Variants in COL25A1 observed in about 807,000 individuals in gnomAD.
The protein encoded by COL25A1 is collagen alpha-1(XXV) chain.
COL25A1 carries 103 observed loss-of-function variants against 128.4 expected under a neutral mutation model. The observed-to-expected ratio is 0.80, with a 90% CI of 0.68 to 0.94. COL25A1 has a LOEUF of 0.94. Among genes scored for constraint, COL25A1 ranks in the 40% least tolerant of loss-of-function variants. The pLI is 0.00. For missense variants in COL25A1, 745 were observed against 840.0 expected, an observed-to-expected ratio of 0.89 and a Z score of 1.40; for synonymous variants, 279 against 277.2, an observed-to-expected ratio of 1.01 and a Z score of -0.06.
At chr4:109,090,890 G>A (rs1764833287) in intron 3 of COL25A1, among the ~76,000 whole-genome samples, 1 of 152,148 alleles carries the variant, frequency 6.6e-6, no homozygotes, top group South Asian at 2.1e-4. Flanking sequence ...AACATTTATA[G>A]CCTGGGTTGA....
At position 109,274,689 on chromosome 4, in the gene COL25A1, T is replaced by C. The variant is rs1782420490; in HGVS notation, c.367+25894A>G. On this transcript the variant is annotated intron_variant, in intron 3 of 37. Coordinates refer to ENST00000399132, the MANE Select transcript of COL25A1 (RefSeq NM_198721.4). Reference sequence around the variant, plus strand: ...TTCTTTTTAAAATTAAACTAAGTACTTAAGACCCCTGAAAATATTAATTGG... The same window carrying C: ...TTCTTTTTAAAATTAAACTAAGTACCTAAGACCCCTGAAAATATTAATTGG... 3.3e-5 allele frequency among the ~76,000 whole-genome samples: 5 copies of C among 152,200 alleles called. No individual in the cohort carries two copies. In the South Asian group the frequency reaches 1.0e-3, roughly 31 times the overall value.
At chr4:109,179,676 A>G (rs74343360) in intron 3 of COL25A1, among the ~76,000 whole-genome samples, 5,237 of 152,324 alleles carry the variant, frequency 0.034, 277 homozygotes, top group African/African-American at 0.11. Flanking sequence ...CCACAAAACC[A>G]AACTTGAACT....
intron 3 of COL25A1, among the ~76,000 whole-genome samples, chr4:109,063,574 G>T (rs1420552357): frequency 2.6e-5 from 4 of 152,060 alleles, no homozygotes; most frequent in African/African-American, 9.7e-5. Context: ...CAGTGCAGTG[G>T]TTCACATCTG....
At chr4:109,155,620 G>C (rs1771952945) in intron 3 of COL25A1, among the ~76,000 whole-genome samples, 1 of 152,196 alleles carries the variant, frequency 6.6e-6, no homozygotes, top group South Asian at 2.1e-4. Context: ...ATGAATCTTA[G>C]ATCATATCCT....
intron 19 of COL25A1, among the ~76,000 whole-genome samples, chr4:108,874,614 T>A (rs1184579398): frequency 6.6e-6 from 1 of 152,116 alleles, no homozygotes; most frequent in East Asian, 1.9e-4. Context: ...ATCAGGGAAA[T>A]GTGGTTTTAA....
intron 36 of COL25A1, 38 bp from the exon 37 acceptor site, chr4:108,817,473 A>G: frequency 1.3e-6 from 2 of 1,592,934 alleles, no homozygotes; most frequent in Non-Finnish European, 1.7e-6. Context: ...CTCAGGTTCC[A>G]TAAGAGTGAT....
chr4:109,230,420 T>C (rs141475715), intron 3 of COL25A1, among the ~76,000 whole-genome samples: 64 of 152,334 alleles, frequency 4.2e-4, no homozygotes, highest in African/African-American at 1.5e-3. Context: ...AACAGTGTTA[T>C]TTGTAACATT....
chr4:108,832,982 A>AATAAATAAATAAATAAATAC, intron 31 of COL25A1, among the ~76,000 whole-genome samples: 1 of 151,356 alleles, frequency 6.6e-6, no homozygotes, highest in Middle Eastern at 3.2e-3. Context: ...ATAATAAATA[A>AATAAATAAATAAATAAATAC]ATAAATAAAT....
chr4:109,147,660 T>C (rs1401923708), intron 3 of COL25A1, among the ~76,000 whole-genome samples: 1 of 151,696 alleles, frequency 6.6e-6, no homozygotes, highest in Non-Finnish European at 1.5e-5. Flanking sequence ...CTAGTCAAAA[T>C]ACAAAAATTA....
chr4:109,273,498 T>C (rs774175406), intron 3 of COL25A1, among the ~76,000 whole-genome samples: 3 of 152,222 alleles, frequency 2.0e-5, no homozygotes, highest in Non-Finnish European at 2.9e-5. Flanking sequence ...ATAACCTTTA[T>C]ATTTCTTGTT....
At chr4:108,967,311 T>C (rs557110082) in intron 8 of COL25A1, among the ~76,000 whole-genome samples, 1 of 152,340 alleles carries the variant, frequency 6.6e-6, no homozygotes, top group Non-Finnish European at 1.5e-5. Flanking sequence ...TTCACATTAA[T>C]GTTGATGACT....
chr4:109,195,912 G>A (rs139848622), intron 3 of COL25A1, among the ~76,000 whole-genome samples: 2 of 152,330 alleles, frequency 1.3e-5, no homozygotes, highest in Non-Finnish European at 2.9e-5. Context: ...GGAATTGAAT[G>A]TGGTAAGTAT....
intron 16 of COL25A1, 56 bp from the exon 17 acceptor site, chr4:108,889,789 C>G: frequency 6.6e-7 from 1 of 1,513,526 alleles, no homozygotes; most frequent in Non-Finnish European, 9.2e-7. Context: ...GGAAACATCA[C>G]AAGCACTCAG....
intron 27 of COL25A1, 92 bp downstream of exon 27, chr4:108,848,667 T>C: frequency 1.2e-6 from 1 of 856,672 alleles, no homozygotes; most frequent in Non-Finnish European, 2.0e-6. Flanking sequence ...GTATCAAATA[T>C]CAATGCTCAT....
intron 3 of COL25A1, among the ~76,000 whole-genome samples, chr4:109,097,803 A>G (rs1765535129): frequency 1.3e-5 from 2 of 150,760 alleles, no homozygotes; most frequent in African/African-American, 4.9e-5. Flanking sequence ...AGCTCGTACC[A>G]CAGGTGCGCA....
At chr4:108,829,496 G>A (rs1578472581) in intron 32 of COL25A1, among the ~76,000 whole-genome samples, 1 of 152,020 alleles carries the variant, frequency 6.6e-6, no homozygotes, top group Non-Finnish European at 1.5e-5. Context: ...GGAGGTGAGA[G>A]TTTTAAGGGA....
rs776941019 is a variant in COL25A1, at chr4:109,057,421, A to ATTTTTTTTTTTTTTTTTTTTTTTTT, written c.368-7267_368-7243dup. On this transcript the variant is annotated intron_variant, in intron 3 of 37. Coordinates refer to ENST00000399132, the MANE Select transcript of COL25A1 (RefSeq NM_198721.4). ...TAGCTGGGACCACCATGCCTAGCTA[A>ATTTTTTTTTTTTTTTTTTTTTTTTT]TTTTTTTTTTTTTTTTTTTTTTTTT... is the stretch of plus-strand genomic sequence containing the variant. Among the ~76,000 whole-genome samples, 14 of 20,238 alleles carry ATTTTTTTTTTTTTTTTTTTTTTTTT rather than the reference A, an allele frequency of 6.9e-4. 4 individuals carry two copies. The highest frequency in any genetic ancestry group is 1.4e-3 in the African/African-American group (8 of 5,768). 13.3% of individuals were successfully genotyped at this position (20,238 alleles called of 152,430 possible).
At chr4:109,208,213 T>C (rs1465152718) in intron 3 of COL25A1, among the ~76,000 whole-genome samples, 1 of 152,214 alleles carries the variant, frequency 6.6e-6, no homozygotes, top group East Asian at 1.9e-4. Flanking sequence ...TGGGCAAAAC[T>C]ACTTTGACTT....
intron 3 of COL25A1, among the ~76,000 whole-genome samples, chr4:109,203,675 G>A (rs1380861670): frequency 6.6e-6 from 1 of 151,972 alleles, no homozygotes; most frequent in Non-Finnish European, 1.5e-5. Context: ...CTTTAGCAGA[G>A]TATCTTAGGG....
Sources: gnomAD v4.1 joint callset for allele counts (sites outside exome capture counted in the v4.1 genomes callset) on GRCh38, gnomAD v4.1.1 for gene constraint, MANE v1.5 for transcripts, NCBI Gene and HGNC (gene_info 2026-07-23, HGNC 2026-07-21) for gene names.